The following FAM161A variants were observed in gnomAD, a reference collection of about 807,000 sequenced individuals.
FAM161A encodes FAM161 centrosomal protein A, also known as protein FAM161A.
Under a neutral mutation model 70.9 loss-of-function variants are expected in FAM161A, and 57 were observed. The observed-to-expected ratio is 0.80, with a 90% CI of 0.65 to 1.00. The LOEUF is 1.00. Among genes scored for constraint, FAM161A ranks in the 50% least tolerant of loss-of-function variants. The probability of loss-of-function intolerance (pLI) is 0.00; values close to 1 mark genes in which losing one functional copy is unlikely to be tolerated. For missense variants in FAM161A, 880 were observed against 836.0 expected (o/e 1.05, Z -0.65); for synonymous variants, 299 against 295.7 (o/e 1.01, Z -0.12).
intron 2 of FAM161A, among the ~76,000 whole-genome samples, chr2:61,841,619 T>C (rs1486025092): frequency 3.3e-5 from 5 of 152,178 alleles, no homozygotes; most frequent in African/African-American, 1.2e-4. Context: ...CGCCCAGGCA[T>C]AGTCTGGCAC....
the FAM161A span, among the ~76,000 whole-genome samples, chr2:61,804,654 C>T: frequency 6.7e-6 from 1 of 150,256 alleles, no homozygotes; most frequent in Non-Finnish European, 1.5e-5. Context: ...CACTGCACTC[C>T]AGCCTGGGCG....
At position 61,840,328 on chromosome 2, in the gene FAM161A, T is replaced by C; in HGVS notation, c.676A>G (p.Arg226Gly). ...DTGFHAAEKR[R>G]KKRKEWVPTI... Reference sequence around the variant, plus strand: ...GGCACCCATTCTTTTCGTTTCTTCCTTCTTTTTTCAGCTGCATGGAAGCCA... The same window carrying C: ...GGCACCCATTCTTTTCGTTTCTTCCCTCTTTTTTCAGCTGCATGGAAGCCA... Residue 226 changes from arginine (R) to glycine (G), a missense_variant, in exon 3 of 7, where the codon AGG (arginine) becomes GGG (glycine). Arg to Gly is a moderately radical substitution (Grantham distance 125). Coordinates refer to ENST00000404929, the MANE Select transcript of FAM161A (RefSeq NM_001201543.2). 1 of 1,614,172 alleles carries C rather than the reference T, an allele frequency of 6.2e-7. No individual in the cohort carries two copies. The highest frequency in any genetic ancestry group is 1.1e-5 in the South Asian group (1 of 91,066).
At chr2:61,814,898 A>G in the FAM161A span, among the ~76,000 whole-genome samples, 2 of 152,146 alleles carry the variant, frequency 1.3e-5, no homozygotes, top group Non-Finnish European at 2.9e-5. Context: ...TTCTTAAGAA[A>G]TACAGTTATC....
At chr2:61,801,557 T>C in the FAM161A span, among the ~76,000 whole-genome samples, 1 of 142,814 alleles carries the variant, frequency 7.0e-6, no homozygotes, top group African/African-American at 2.7e-5. Flanking sequence ...TAATGTTTTT[T>C]GGTTTTTTTG....
the FAM161A span, among the ~76,000 whole-genome samples, chr2:61,811,666 C>T: frequency 6.6e-6 from 1 of 151,950 alleles, no homozygotes; most frequent in African/African-American, 2.4e-5. Flanking sequence ...AACCACTGCG[C>T]CTGGCCTAAA....
At chr2:61,822,655 C>T (rs1183795817), downstream of FAM161A, among the ~76,000 whole-genome samples, 3 of 152,128 alleles carry the variant, frequency 2.0e-5, no homozygotes, top group Admixed American at 6.6e-5. Flanking sequence ...GGCACAATCT[C>T]GGCTCACTGC....
chr2:61,811,688 T>C, the FAM161A span, among the ~76,000 whole-genome samples: 1 of 151,872 alleles, frequency 6.6e-6, no homozygotes, highest in Non-Finnish European at 1.5e-5. Flanking sequence ...TTATTTTTTG[T>C]AGAAATGTGG....
Position 61,826,586 on chromosome 2 carries a change from C to T in FAM161A, c.2020G>A (p.Glu674Lys). The change falls in exon 7 of 7, where the codon GAA (glutamate) becomes AAA (lysine). Residue 674 changes from glutamate (E) to lysine (K), a missense_variant. Coordinates refer to ENST00000404929, the MANE Select transcript of FAM161A (RefSeq NM_001201543.2). ...CCATTCTCTCTTTCTTCTATTTTTTCTTCTTCATTAAAGCTAGGGGAAGAA... is the reference window on the plus strand; with the variant it reads ...CCATTCTCTCTTTCTTCTATTTTTTTTTCTTCATTAAAGCTAGGGGAAGAA... ...TEDKESFNEE[E>K]KIEERENGEE... 6.2e-7 allele frequency: 1 copy of T among 1,601,804 alleles called. No individual in the cohort carries two copies. Among genetic ancestry groups the T allele is most frequent in the Non-Finnish European group, 8.5e-7 (1 of 1,171,564 alleles).
the FAM161A span, among the ~76,000 whole-genome samples, chr2:61,804,768 G>GAGAAAGAAAGAAAGAAAGAAAGAAAGA: frequency 8.4e-6 from 1 of 119,038 alleles, no homozygotes; most frequent in South Asian, 3.1e-4. Context: ...GAAAAAGAAA[G>GAGAAAGAAAGAAAGAAAGAAAGAAAGA]AGAAAGAAAG....
At chr2:61,838,029 T>A (rs1460403007) in intron 4 of FAM161A, among the ~76,000 whole-genome samples, 2 of 152,226 alleles carry the variant, frequency 1.3e-5, no homozygotes, top group African/African-American at 4.8e-5. Flanking sequence ...AACTTTGTAC[T>A]GCAAAATTCT....
At chr2:61,805,223 C>T in the FAM161A span, among the ~76,000 whole-genome samples, 1 of 152,180 alleles carries the variant, frequency 6.6e-6, no homozygotes, top group African/African-American at 2.4e-5. Context: ...ATATAGCCTC[C>T]ATGTATTGAT....
intron 1 of FAM161A, among the ~76,000 whole-genome samples, chr2:61,843,769 T>G (rs1191280455): frequency 6.6e-6 from 1 of 152,228 alleles, no homozygotes; most frequent in African/African-American, 2.4e-5. Context: ...TATGGTATTT[T>G]TTTTAATACG....
chr2:61,842,841 G>A (rs1673069953), intron 1 of FAM161A, among the ~76,000 whole-genome samples: 2 of 152,192 alleles, frequency 1.3e-5, no homozygotes, highest in African/African-American at 2.4e-5. Flanking sequence ...CAGGGAAATA[G>A]AGGAAATGGG....
rs529948780 is a variant in FAM161A, at chr2:61,849,719, AG to A, written c.183+4139del. 2.3e-3 allele frequency among the ~76,000 whole-genome samples: 348 copies of A among 150,450 alleles called. 2 individuals carry two copies. Among genetic ancestry groups the A allele is most frequent in the African/African-American group, 8.1e-3 (330 of 40,828 alleles). On this transcript the variant is annotated intron_variant, in intron 1 of 6. Coordinates refer to ENST00000404929, the MANE Select transcript of FAM161A (RefSeq NM_001201543.2). ...AGAATCACTTGAACCCAGGAGGCACAGGTCTCATTGAGCCGAGATTGTGCCA... is the reference window on the plus strand; with the variant it reads ...AGAATCACTTGAACCCAGGAGGCACAGTCTCATTGAGCCGAGATTGTGCCA...
downstream of FAM161A, among the ~76,000 whole-genome samples, chr2:61,821,813 G>A (rs1478131365): frequency 1.3e-5 from 2 of 151,234 alleles, no homozygotes; most frequent in Admixed American, 6.6e-5. Flanking sequence ...TCTGTTGCCC[G>A]GGCTGGAGTG....
At chr2:61,826,733 T>C in intron 6 of FAM161A, 134 bp from the exon 7 acceptor site, 2 of 644,936 alleles carry the variant, frequency 3.1e-6, no homozygotes, top group Non-Finnish European at 4.6e-6. Context: ...CCAAGACAAC[T>C]CAAAAAAAAG....
downstream of FAM161A, among the ~76,000 whole-genome samples, chr2:61,821,464 A>G (rs776381499): frequency 2.9e-4 from 44 of 152,254 alleles, no homozygotes; most frequent in Non-Finnish European, 4.4e-4. Flanking sequence ...TGTTACAAAA[A>G]TGAAAAAATA....
intron 1 of FAM161A, among the ~76,000 whole-genome samples, chr2:61,852,644 T>C (rs1673536059): frequency 6.6e-6 from 1 of 152,194 alleles, no homozygotes; most frequent in Non-Finnish European, 1.5e-5. Flanking sequence ...AGCTTCATCA[T>C]GAACAAAATC....
chr2:61,838,303 T>C (rs1572875290), intron 4 of FAM161A, among the ~76,000 whole-genome samples: 1 of 152,144 alleles, frequency 6.6e-6, no homozygotes. Flanking sequence ...CAATAGAAAA[T>C]GTCTGTATTC....
Sources: allele counts gnomAD v4.1 joint callset (sites outside exome capture counted in the v4.1 genomes callset), GRCh38; gene constraint gnomAD v4.1.1; transcripts MANE v1.5; gene names NCBI Gene and HGNC (gene_info 2026-07-23, HGNC 2026-07-21).